CFAP54: variants seen among roughly 807,000 people sequenced by gnomAD.
The protein encoded by CFAP54 is cilia- and flagella-associated protein 54.
In CFAP54, 290 loss-of-function variants were observed where a neutral mutation model predicts 370.4. The ratio of observed to expected loss-of-function variants is 0.78; its 90% CI spans 0.71 to 0.86. The LOEUF (loss-of-function observed/expected upper bound fraction) is 0.86, where lower values mean the gene tolerates loss of function less well. CFAP54 is among the 40% of genes least tolerant of loss of function. CFAP54 has a pLI of 0.00. For missense variants in CFAP54, 3,399 were observed against 3,528.7 expected (o/e 0.96, Z 0.93); for synonymous variants, 1,206 against 1,236.5 (o/e 0.98, Z 0.52).
intron 26 of CFAP54, among the ~76,000 whole-genome samples, chr12:96,607,149 G>C (rs1457091185): frequency 2.6e-5 from 4 of 152,192 alleles, no homozygotes; most frequent in African/African-American, 9.7e-5. Context: ...TGACTTACCA[G>C]TGCTGGAGAG....
chr12:96,582,941 A>G (rs759451422), intron 22 of CFAP54, among the ~76,000 whole-genome samples: 1 of 152,166 alleles, frequency 6.6e-6, no homozygotes, highest in African/African-American at 2.4e-5. Context: ...ATGTACCTCT[A>G]TTTTGTAAGT....
intron 17 of CFAP54, among the ~76,000 whole-genome samples, chr12:96,563,690 C>G (rs1355227835): frequency 6.6e-6 from 1 of 152,180 alleles, no homozygotes; most frequent in East Asian, 1.9e-4. Flanking sequence ...CATGGTGGCT[C>G]ATGTGCATTA....
chr12:96,514,194 C>T (rs7308077), intron 5 of CFAP54, among the ~76,000 whole-genome samples: 14,167 of 152,234 alleles, frequency 0.093, 809 homozygotes, highest in Middle Eastern at 0.16. Context: ...CAGAACCTTA[C>T]CCTGAATATT....
intron 64 of CFAP54, among the ~76,000 whole-genome samples, chr12:96,816,441 C>T (rs190166106): frequency 1.3e-5 from 2 of 152,238 alleles, no homozygotes; most frequent in Admixed American, 1.3e-4. Flanking sequence ...CAAATCTTTG[C>T]ATTTAACTGT....
chr12:96,775,296 G>C (rs1322210656), intron 60 of CFAP54, among the ~76,000 whole-genome samples: 1 of 152,094 alleles, frequency 6.6e-6, no homozygotes, highest in African/African-American at 2.4e-5. Flanking sequence ...GGGCATAGTG[G>C]TGGGCACCTG....
chr12:96,829,567 A>G (rs536077066), intron 66 of CFAP54, among the ~76,000 whole-genome samples: 12 of 152,108 alleles, frequency 7.9e-5, no homozygotes, highest in Non-Finnish European at 1.6e-4. Flanking sequence ...GGTGCCATTT[A>G]CATAGCTAGA....
intron 45 of CFAP54, among the ~76,000 whole-genome samples, chr12:96,699,301 A>G (rs1390913642): frequency 6.6e-6 from 1 of 152,138 alleles, no homozygotes; most frequent in Non-Finnish European, 1.5e-5. Flanking sequence ...AGGCGTGGAA[A>G]GTTAGGGTTT....
At chr12:96,754,037 G>A in intron 56 of CFAP54, 139 bp downstream of exon 56, 2 of 687,602 alleles carry the variant, frequency 2.9e-6, no homozygotes, top group Non-Finnish European at 4.3e-6. Flanking sequence ...TAACACAATG[G>A]TACCTCCACC....
chr12:96,501,958 G>T (rs1243203490), intron 2 of CFAP54, among the ~76,000 whole-genome samples: 2 of 152,218 alleles, frequency 1.3e-5, no homozygotes, highest in African/African-American at 4.8e-5. Flanking sequence ...CTTTATTCAT[G>T]TAAGTGGAAT....
chr12:96,671,533 CT>C (rs559619969), intron 39 of CFAP54, among the ~76,000 whole-genome samples: 104 of 152,256 alleles, frequency 6.8e-4, no homozygotes, highest in Non-Finnish European at 1.4e-3. Context: ...CTTAGTATCT[CT>C]TTGCTGAATG....
At chr12:96,647,379 A>G (rs1420628097) in intron 33 of CFAP54, among the ~76,000 whole-genome samples, 1 of 148,038 alleles carries the variant, frequency 6.8e-6, no homozygotes, top group African/African-American at 2.5e-5. Flanking sequence ...AGTCTGAGGC[A>G]GGAGAATGGC....
chr12:96,650,449 A>G (rs1956846227), intron 35 of CFAP54, among the ~76,000 whole-genome samples: 1 of 152,198 alleles, frequency 6.6e-6, no homozygotes, highest in African/African-American at 2.4e-5. Flanking sequence ...TGGGGGTACC[A>G]TAGATCTCTC....
At chr12:96,745,147 C>T (rs1407881247) in intron 55 of CFAP54, among the ~76,000 whole-genome samples, 1 of 152,236 alleles carries the variant, frequency 6.6e-6, no homozygotes, top group Non-Finnish European at 1.5e-5. Context: ...CTGCAGTGCA[C>T]ATATGCTTGC....
chr12:96,506,850 G>T, intron 3 of CFAP54, 78 bp from the exon 4 acceptor site: 1 of 1,312,722 alleles, frequency 7.6e-7, no homozygotes, highest in Admixed American at 2.7e-5. Context: ...GCCTCCCTAA[G>T]TGCTGGGATT....
intron 14 of CFAP54, among the ~76,000 whole-genome samples, chr12:96,546,947 T>C (rs1408263706): frequency 6.6e-6 from 1 of 152,230 alleles, no homozygotes; most frequent in Non-Finnish European, 1.5e-5. Context: ...AGTTATTGAT[T>C]GTTAAAATGT....
At chr12:96,852,581 A>G (rs1851785745) in intron 66 of CFAP54, among the ~76,000 whole-genome samples, 1 of 152,118 alleles carries the variant, frequency 6.6e-6, no homozygotes, top group Admixed American at 6.5e-5. Context: ...ATAATAAGAG[A>G]TTATCTTCAT....
In CFAP54 at chr12:96,525,007, G is replaced by A. The variant is rs541882134; in HGVS notation, c.1159-2239G>A. On this transcript the variant is annotated intron_variant, in intron 8 of 67. Transcript: ENST00000524981. The stretch of plus-strand genomic sequence containing the variant: ...TTCTGTGGATAAAATTCCAGGTGTA[G>A]GATTATGGAATTGAAGGACATAAAC... Among the ~76,000 whole-genome samples the A allele has an allele frequency of 2.6e-5, 4 of 151,916 alleles. No individual in the cohort carries two copies. In the South Asian group the frequency reaches 8.3e-4, roughly 32 times the overall value.
intron 66 of CFAP54, among the ~76,000 whole-genome samples, chr12:96,837,290 C>G (rs1450295421): frequency 6.6e-6 from 1 of 152,128 alleles, no homozygotes; most frequent in Non-Finnish European, 1.5e-5. Flanking sequence ...CTTATCACCC[C>G]TCATAGCCCC....
At chr12:96,627,930 A>G (rs1956564586) in intron 30 of CFAP54, among the ~76,000 whole-genome samples, 1 of 152,236 alleles carries the variant, frequency 6.6e-6, no homozygotes, top group Admixed American at 6.5e-5. Flanking sequence ...AGAGGAGTAT[A>G]AGATTATAAT....
Sources: allele counts gnomAD v4.1 joint callset (sites outside exome capture counted in the v4.1 genomes callset), GRCh38; gene constraint gnomAD v4.1.1; transcripts MANE v1.5; gene names NCBI Gene and HGNC (gene_info 2026-07-23, HGNC 2026-07-21).